NUP210: variants seen among roughly 807,000 people sequenced by gnomAD.
NUP210 encodes the protein nuclear pore membrane glycoprotein 210.
Under a neutral mutation model 196.0 loss-of-function variants are expected in NUP210, and 151 were observed. The observed-to-expected ratio is 0.77, with a 90% CI of 0.67 to 0.88. NUP210 has a LOEUF of 0.88. Among genes scored for constraint, NUP210 ranks in the 40% least tolerant of loss-of-function variants. The pLI is 0.00. For missense variants in NUP210, 2,314 were observed against 2,493.7 expected (o/e 0.93, Z 1.53); for synonymous variants, 1,070 against 1,052.7 (o/e 1.02, Z -0.32).
chr3:13,355,215 G>A (rs1698127925), intron 16 of NUP210, among the ~76,000 whole-genome samples: 1 of 152,214 alleles, frequency 6.6e-6, no homozygotes, highest in South Asian at 2.1e-4. Flanking sequence ...CACAAACAGG[G>A]CTAGTTTTCC....
At chr3:13,387,470 A>G (rs79324993) in intron 5 of NUP210, among the ~76,000 whole-genome samples, 5,313 of 152,342 alleles carry the variant, frequency 0.035, 156 homozygotes, top group Middle Eastern at 0.1. Context: ...GCAGAGTCCT[A>G]CGGGATTAGC....
At chr3:13,403,341 C>G (rs1188372462) in intron 1 of NUP210, among the ~76,000 whole-genome samples, 1 of 152,200 alleles carries the variant, frequency 6.6e-6, no homozygotes, top group Non-Finnish European at 1.5e-5. Context: ...CTGCTGTCTT[C>G]CCACTGTTGT....
At chr3:13,411,650 C>A (rs767420779) in intron 1 of NUP210, among the ~76,000 whole-genome samples, 2 of 152,204 alleles carry the variant, frequency 1.3e-5, no homozygotes, top group Non-Finnish European at 2.9e-5. Context: ...GACACCTGCA[C>A]CTGCCGACGG....
chr3:13,406,978 T>C (rs770804717), intron 1 of NUP210, among the ~76,000 whole-genome samples: 2 of 152,100 alleles, frequency 1.3e-5, no homozygotes, highest in Non-Finnish European at 2.9e-5. Flanking sequence ...CTCTCATCTG[T>C]TGGTATCTGT....
At chr3:13,380,034 G>C (rs951293137) in intron 6 of NUP210, among the ~76,000 whole-genome samples, 1 of 152,086 alleles carries the variant, frequency 6.6e-6, no homozygotes, top group Non-Finnish European at 1.5e-5. Flanking sequence ...ACATTGCAAA[G>C]TGAACTCTTT....
Position 13,317,587 on chromosome 3 carries a change from G to A in NUP210, c.*94C>T. On this transcript the variant is annotated 3_prime_UTR_variant, in exon 40 of 40. Transcript: ENST00000254508. ...CCTGGGGCCGGGGCACTCATCTGGA[G>A]GGGCTTGTTCCAGTGTGAATGCAGC... The A allele has an allele frequency of 1.1e-5, 10 of 937,532 alleles. No homozygotes were observed. Among genetic ancestry groups the A allele is most frequent in the Middle Eastern group, 3.0e-4 (1 of 3,374 alleles). 58.1% of individuals were successfully genotyped at this position (937,532 alleles called of 1,614,324 possible). A position where few individuals can be genotyped will look rare whatever the true frequency, so the allele number is the denominator to read the frequency against.
At chr3:13,417,955 G>T (rs1700400828) in intron 1 of NUP210, among the ~76,000 whole-genome samples, 1 of 152,206 alleles carries the variant, frequency 6.6e-6, no homozygotes, top group African/African-American at 2.4e-5. Flanking sequence ...AAAGAAAAAA[G>T]TACAGCTATA....
At chr3:13,415,608 T>G (rs532354960) in intron 1 of NUP210, among the ~76,000 whole-genome samples, 1 of 152,218 alleles carries the variant, frequency 6.6e-6, no homozygotes, top group East Asian at 1.9e-4. Context: ...GAAGGCCAAG[T>G]GAAGGAGGTA....
chr3:13,390,612 C>T (rs1354472847), intron 4 of NUP210, among the ~76,000 whole-genome samples: 1 of 152,252 alleles, frequency 6.6e-6, no homozygotes, highest in Non-Finnish European at 1.5e-5. Flanking sequence ...ATCCACGGAT[C>T]TGAGTTCAGA....
chr3:13,329,117 C>T (rs1163930909), intron 30 of NUP210, among the ~76,000 whole-genome samples, 171 bp from the exon 31 acceptor site: 1 of 152,130 alleles, frequency 6.6e-6, no homozygotes, highest in East Asian at 1.9e-4. Context: ...CCCAGAGTGT[C>T]CCAACCTAGT....
rs184792881 is a variant in NUP210, at chr3:13,319,137, G to A, written c.5498C>T (p.Thr1833Met). 3.2e-5 allele frequency: 51 copies of A among 1,610,026 alleles called. No individual in the cohort carries two copies. The East Asian group carries it at 7.8e-4, about 25-fold the overall frequency. The change falls in exon 39 of 40, where the codon ACG becomes ATG. Residue 1833 changes from threonine (T) to methionine (M), a missense_variant. Coordinates refer to ENST00000254508, the MANE Select transcript of NUP210 (RefSeq NM_024923.4). The part of the protein sequence containing the change: ...VMIIAYHTVC[T>M]PRDLAVPAAL... ...TGCAGGCACAGCAAGATCCCGGGGCGTGCAGACAGTGTGGTAGGCTGCAAG... is the reference window on the plus strand; with the variant it reads ...TGCAGGCACAGCAAGATCCCGGGGCATGCAGACAGTGTGGTAGGCTGCAAG...
chr3:13,409,472 G>C (rs1383404812), intron 1 of NUP210, among the ~76,000 whole-genome samples: 1 of 152,162 alleles, frequency 6.6e-6, no homozygotes. Flanking sequence ...GACCATGCTG[G>C]TACCATCTTG....
In NUP210 at chr3:13,342,030, T is replaced by C. The variant is rs1388694703; in HGVS notation, c.3058A>G (p.Lys1020Glu). The C allele has an allele frequency of 6.2e-7, 1 of 1,614,174 alleles. No homozygotes were observed. The highest frequency in any genetic ancestry group is 1.1e-5 in the South Asian group (1 of 91,082). Residue 1020 changes from lysine to glutamate, a missense_variant, in exon 22 of 40, where the codon AAG (lysine) becomes GAG (glutamate). Lys to Glu is a moderately conservative substitution (Grantham distance 56). Transcript: ENST00000254508. ...LAKYFPFMDL[K>E]LRAASPIITL... ...ATGATCGGGGAGGCTGCTCGGAGCTTCAGGTCCATAAAGGGGAAGTATTTG... is the reference window on the plus strand; with the variant it reads ...ATGATCGGGGAGGCTGCTCGGAGCTCCAGGTCCATAAAGGGGAAGTATTTG...
intron 15 of NUP210, among the ~76,000 whole-genome samples, chr3:13,359,758 G>A (rs1354394787): frequency 6.6e-6 from 1 of 152,146 alleles, no homozygotes; most frequent in East Asian, 1.9e-4. Flanking sequence ...GCCAGCATGT[G>A]GGGATTCAGG....
chr3:13,358,988 C>T (rs1698280587), intron 15 of NUP210, among the ~76,000 whole-genome samples: 1 of 152,196 alleles, frequency 6.6e-6, no homozygotes, highest in Non-Finnish European at 1.5e-5. Flanking sequence ...GAGCTGGGAC[C>T]TCAGAAGTCA....
Position 13,379,524 on chromosome 3 carries a change from C to T in NUP210, c.976+39G>A, listed in dbSNP as rs56356701. ...AGACTTGACTTCCAAACAGCAGCTC[C>T]GCCATGCCTAAGAACACACAAGCCC... On this transcript the variant is annotated intron_variant, in intron 7 of 39. Transcript: ENST00000254508. The surrounding 1 kb of genome is among the most constrained non-coding windows in gnomAD (Gnocchi z 4.2). 0.11 allele frequency: 183,218 copies of T among 1,612,640 alleles called. 11,532 individuals are homozygous for T. The highest frequency in any genetic ancestry group is 0.13 in the Non-Finnish European group (152,967 of 1,179,246).
chr3:13,324,990 G>C (rs775397878), intron 33 of NUP210, among the ~76,000 whole-genome samples: 1 of 152,162 alleles, frequency 6.6e-6, no homozygotes, highest in Non-Finnish European at 1.5e-5. Flanking sequence ...TCATAGCCTC[G>C]CAGTGGCCAA....
chr3:13,326,025 G>C (rs1402002222), intron 32 of NUP210, 94 bp from the exon 33 acceptor site: 4 of 1,504,968 alleles, frequency 2.7e-6, no homozygotes, highest in Non-Finnish European at 3.6e-6. Flanking sequence ...CTTCCTCGCT[G>C]GCTGCCGCTA....
intron 26 of NUP210, among the ~76,000 whole-genome samples, chr3:13,337,582 A>T (rs1175960833): frequency 6.6e-6 from 1 of 152,224 alleles, no homozygotes; most frequent in Non-Finnish European, 1.5e-5. Flanking sequence ...TAAGTGCCAC[A>T]GTCACTGTGC....
Sources: allele counts gnomAD v4.1 joint callset (sites outside exome capture counted in the v4.1 genomes callset), GRCh38; gene constraint gnomAD v4.1.1; non-coding constraint Gnocchi (gnomAD v3.1); transcripts MANE v1.5; gene names NCBI Gene and HGNC (gene_info 2026-07-23, HGNC 2026-07-21).